The following TSEN15 variants were observed in gnomAD, a reference collection of about 807,000 sequenced individuals.
TSEN15 encodes the protein tRNA-splicing endonuclease subunit Sen15.
In TSEN15, 10 loss-of-function variants were observed where a neutral mutation model predicts 20.5. The ratio of observed to expected loss-of-function variants is 0.49; its 90% confidence interval spans 0.30 to 0.83. The LOEUF (loss-of-function observed/expected upper bound fraction) is 0.83. Among genes scored for constraint, TSEN15 ranks in the 40% least tolerant of loss-of-function variants. The probability of loss-of-function intolerance (pLI) is 0.06; values close to 1 mark genes in which losing one functional copy is unlikely to be tolerated. For synonymous variants in TSEN15, 72 were observed against 80.1 expected (o/e 0.90, Z 0.54); for missense variants, 180 against 218.6 (o/e 0.82, Z 1.11).
chr1:184,070,795 T>G (rs1417215583), intron 3 of TSEN15: 7 of 543,816 alleles, frequency 1.3e-5, no homozygotes, highest in Non-Finnish European at 1.8e-5. Context: ...CTAAAGTAAA[T>G]CATTCTTGTG....
intron 2 of TSEN15, 32 bp downstream of exon 2, chr1:184,054,467 G>A: frequency 6.6e-7 from 1 of 1,516,178 alleles, no homozygotes; most frequent in Non-Finnish European, 9.1e-7. Flanking sequence ...TTTTGTTATT[G>A]GGACTGTGGT....
chr1:184,078,498 T>C (rs2102899919), downstream of TSEN15, among the ~76,000 whole-genome samples: 1 of 152,244 alleles, frequency 6.6e-6, no homozygotes, highest in Non-Finnish European at 1.5e-5. Flanking sequence ...AAGAGGGAAA[T>C]GGCATGTGAG....
chr1:184,072,113 TTGAG>T, intron 3 of TSEN15, 40 bp from the exon 4 acceptor site: 1 of 1,596,284 alleles, frequency 6.3e-7, no homozygotes, highest in Middle Eastern at 1.7e-4. Flanking sequence ...TCTCATCTAA[TTGAG>T]TGACCGCAAC....
chr1:184,058,578 A>G (rs997590822), intron 3 of TSEN15, among the ~76,000 whole-genome samples: 1 of 152,052 alleles, frequency 6.6e-6, no homozygotes, highest in Non-Finnish European at 1.5e-5. Context: ...ATAAAATGTT[A>G]TATATCTAAC....
intron 2 of TSEN15, 122 bp downstream of exon 2, chr1:184,054,557 A>T: frequency 8.4e-7 from 1 of 1,191,100 alleles, no homozygotes; most frequent in Non-Finnish European, 1.2e-6. Context: ...TTAATTTTGC[A>T]ATTTATTTAT....
At chr1:184,055,018 T>C (rs1170080705) in intron 3 of TSEN15, 155 bp downstream of exon 3, 1 of 808,950 alleles carries the variant, frequency 1.2e-6, no homozygotes, top group Non-Finnish European at 1.9e-6. Flanking sequence ...AGTGTTGTAT[T>C]CGGCCATTCT....
intron 3 of TSEN15, among the ~76,000 whole-genome samples, chr1:184,067,924 C>CAA (rs71130650): frequency 0.019 from 1,063 of 54,682 alleles, 51 homozygotes; most frequent in Non-Finnish European, 0.024. Context: ...CTCTCTCTCT[C>CAA]AAAAAAAAAA....
intron 3 of TSEN15, 151 bp from the exon 4 acceptor site, chr1:184,072,006 C>T (rs1650900760): frequency 1.5e-6 from 1 of 653,434 alleles, no homozygotes; most frequent in South Asian, 2.6e-5. Context: ...TACCAGAAGA[C>T]TCTGATGTTA....
intron 3 of TSEN15, among the ~76,000 whole-genome samples, chr1:184,064,542 T>A (rs186964545): frequency 6.6e-6 from 1 of 151,394 alleles, no homozygotes; most frequent in Admixed American, 6.6e-5. Flanking sequence ...AGAAAAAATA[T>A]GAAAAAACAA....
At chr1:184,071,875 A>G (rs961755448) in intron 3 of TSEN15, among the ~76,000 whole-genome samples, 2 of 152,134 alleles carry the variant, frequency 1.3e-5, no homozygotes, top group Non-Finnish European at 2.9e-5. Context: ...GCTATCTACA[A>G]AAGATACACT....
chr1:184,068,257 T>G (rs1161418136), intron 3 of TSEN15, among the ~76,000 whole-genome samples: 1 of 152,068 alleles, frequency 6.6e-6, no homozygotes, highest in Non-Finnish European at 1.5e-5. Flanking sequence ...GCTACATACT[T>G]TCTTGAAGGA....
chr1:184,079,705 C>G lies in TSEN15; in HGVS notation c.354-15985C>G, dbSNP rs1189229902. Among the ~76,000 whole-genome samples, 6 of 152,146 alleles carry G rather than the reference C, an allele frequency of 3.9e-5. No individual in the cohort carries two copies. The East Asian group carries it at 1.2e-3, about 29-fold the overall frequency. On this transcript the variant is annotated intron_variant, in intron 3 of 3. Transcript: ENST00000643231. ...GACATCATTAACTTTAATTACCTCCCTAAAGGCCTTATCCCCAATTCCAGT... is the reference window on the plus strand; with the variant it reads ...GACATCATTAACTTTAATTACCTCCGTAAAGGCCTTATCCCCAATTCCAGT...
chr1:184,074,383 C>G (rs1651015333), downstream of TSEN15, among the ~76,000 whole-genome samples: 2 of 152,080 alleles, frequency 1.3e-5, no homozygotes, highest in Non-Finnish European at 2.9e-5. Context: ...GGGCAGGGCT[C>G]CAGTCTCATC....
chr1:184,089,460 A>G (rs192457525), intron 3 of TSEN15, among the ~76,000 whole-genome samples: 81 of 152,262 alleles, frequency 5.3e-4, no homozygotes, highest in African/African-American at 1.7e-3. Flanking sequence ...TTAGGCACCT[A>G]AAACAGCAGA....
At chr1:184,082,570 G>A (rs903250023) in intron 3 of TSEN15, among the ~76,000 whole-genome samples, 2 of 152,042 alleles carry the variant, frequency 1.3e-5, no homozygotes, top group Admixed American at 1.3e-4. Flanking sequence ...TTCCTTTGGA[G>A]CGTCTATTGT....
chr1:184,062,636 G>T (rs998725607), intron 3 of TSEN15, among the ~76,000 whole-genome samples: 5 of 152,038 alleles, frequency 3.3e-5, no homozygotes, highest in African/African-American at 1.2e-4. Flanking sequence ...AATAGTAGTA[G>T]TACTACAGGT....
intron 3 of TSEN15, among the ~76,000 whole-genome samples, chr1:184,070,277 A>G (rs76198597): frequency 0.038 from 5,832 of 152,096 alleles, 170 homozygotes; most frequent in South Asian, 0.055. Flanking sequence ...CTTCTGATTT[A>G]AATAACATTA....
At chr1:184,064,313 A>G (rs1362127681) in intron 3 of TSEN15, among the ~76,000 whole-genome samples, 4 of 152,150 alleles carry the variant, frequency 2.6e-5, no homozygotes, top group Admixed American at 6.6e-5. Flanking sequence ...GCCCTGGTTA[A>G]AGTAATAACA....
intron 3 of TSEN15, 72 bp from the exon 4 acceptor site, chr1:184,072,085 G>T: frequency 6.8e-7 from 1 of 1,460,364 alleles, no homozygotes; most frequent in Non-Finnish European, 9.2e-7. Flanking sequence ...AAGTTTTCTA[G>T]TGCTTTCTTC....
Sources: gnomAD v4.1 joint callset for allele counts (sites outside exome capture counted in the v4.1 genomes callset) on GRCh38, gnomAD v4.1.1 for gene constraint, MANE v1.5 for transcripts, NCBI Gene and HGNC (gene_info 2026-07-23, HGNC 2026-07-21) for gene names.